ACSF3: variants seen among roughly 807,000 people sequenced by gnomAD.
The protein encoded by ACSF3 is acyl-CoA synthetase family member 3, also known as malonate--CoA ligase ACSF3, mitochondrial.
ACSF3 carries 78 observed loss-of-function variants against 53.2 expected under a neutral mutation model. The observed-to-expected ratio is 1.47, with a 90% CI of 1.22 to 1.77. The LOEUF (loss-of-function observed/expected upper bound fraction) is 1.77, where lower values mean the gene tolerates loss of function less well. Among genes scored for constraint, ACSF3 ranks in the 40% most tolerant of loss-of-function variants. ACSF3 has a pLI of 0.00. For missense variants in ACSF3, 937 were observed against 771.1 expected, an observed-to-expected ratio of 1.22 and a Z score of -2.55; for synonymous variants, 414 against 333.1, an observed-to-expected ratio of 1.24 and a Z score of -2.65.
chr16:89,140,597 G>A (rs77793532), intron 8 of ACSF3, among the ~76,000 whole-genome samples: 3,404 of 152,250 alleles, frequency 0.022, 96 homozygotes, highest in East Asian at 0.12. Flanking sequence ...CTGGGATCGC[G>A]CTTTGGGTGC....
Position 89,155,400 on chromosome 16 carries a change from G to A in ACSF3, c.*1193G>A, listed in dbSNP as rs772527375. The A allele has an allele frequency of 5.5e-5, 25 of 453,292 alleles. No individual in the cohort carries two copies. The East Asian group carries it at 7.6e-4, about 14-fold the overall frequency. 28.1% of individuals were successfully genotyped at this position (453,292 alleles called of 1,614,324 possible). A position where few individuals can be genotyped will look rare whatever the true frequency, so the allele number is the denominator to read the frequency against. On this transcript the variant is annotated 3_prime_UTR_variant, in exon 11 of 11. Transcript: ENST00000614302. ...GCCCCATCTCAGGCTCACATGCCTC[G>A]CGGACAGTTGGACGTGGCCTGGGGC...
At chr16:89,148,208 C>T (rs933184614) in intron 10 of ACSF3, 1 of 149,608 alleles carries the variant, frequency 6.7e-6, no homozygotes, top group Non-Finnish European at 1.5e-5. Flanking sequence ...AGCAATTCTC[C>T]TACCTCAGCC....
At chr16:89,111,398 A>T (rs1277875829) in intron 4 of ACSF3, among the ~76,000 whole-genome samples, 1 of 152,240 alleles carries the variant, frequency 6.6e-6, no homozygotes, top group Non-Finnish European at 1.5e-5. Context: ...CCCAGTTTCA[A>T]CGCCGTGTGG....
rs901030185 is a variant in ACSF3 at position 89,126,961 on chromosome 16, A to G, written c.1239+6048A>G. ...GCTTAGACTTTTTATCACTAAATGT[A>G]TGTTGAATATTTTCAAAAAGCTTTT... On this transcript the variant is annotated intron_variant, in intron 7 of 10. Coordinates refer to ENST00000614302, the MANE Select transcript of ACSF3 (RefSeq NM_001243279.3). Among the ~76,000 whole-genome samples the G allele has an allele frequency of 2.0e-4, 30 of 151,778 alleles. No homozygotes were observed. The Admixed American group carries it at 2.0e-3, about 10-fold the overall frequency.
chr16:89,128,834 G>A (rs1373643595), intron 7 of ACSF3, among the ~76,000 whole-genome samples: 1 of 152,090 alleles, frequency 6.6e-6, no homozygotes, highest in African/African-American at 2.4e-5. Flanking sequence ...TACTTGAAAA[G>A]AGTATATATT....
At chr16:89,140,443 C>T (rs966166890) in intron 8 of ACSF3, among the ~76,000 whole-genome samples, 5 of 152,314 alleles carry the variant, frequency 3.3e-5, no homozygotes, top group South Asian at 2.1e-4. Context: ...TCGGCTTGGG[C>T]GGGGTCCTTG....
At chr16:89,133,357 C>A (rs1417934014) in intron 8 of ACSF3, 95 bp downstream of exon 8, 3 of 1,551,932 alleles carry the variant, frequency 1.9e-6, no homozygotes, top group East Asian at 4.6e-5. Flanking sequence ...CTGGGAGTTC[C>A]CAGAATTTTC....
intron 1 of ACSF3, among the ~76,000 whole-genome samples, chr16:89,097,741 A>G (rs545280606): frequency 9.4e-5 from 14 of 149,078 alleles, no homozygotes; most frequent in Non-Finnish European, 1.9e-4. Context: ...GTGTGGGCGG[A>G]CCAGCCACTG....
At chr16:89,137,982 G>A (rs1042517873) in intron 8 of ACSF3, among the ~76,000 whole-genome samples, 7 of 152,334 alleles carry the variant, frequency 4.6e-5, no homozygotes, top group Admixed American at 6.5e-5. Context: ...GGTCTCAGCC[G>A]TTGGGTTCTT....
In ACSF3 at chr16:89,101,420, C is replaced by T. The variant is rs61729367; in HGVS notation, c.666+73C>T. ...CCGGGTGGGCTCCGGGCCAGAAGCA[C>T]ATCTTTTCATTCGCTTTTCTGTGGA... On this transcript the variant is annotated intron_variant, in intron 3 of 10. Coordinates refer to ENST00000614302, the MANE Select transcript of ACSF3 (RefSeq NM_001243279.3). 0.071 allele frequency: 110,243 copies of T among 1,546,098 alleles called. 4,214 individuals are homozygous for T. Among genetic ancestry groups the T allele is most frequent in the Non-Finnish European group, 0.081 (92,479 of 1,146,530 alleles).
At chr16:89,114,113 C>A in intron 5 of ACSF3, 2 of 616,300 alleles carry the variant, frequency 3.2e-6, no homozygotes, top group Non-Finnish European at 5.9e-6. Context: ...TAAAATACAC[C>A]CAACAGATCG....
rs1313088429 is a variant in ACSF3, at chr16:89,101,089, T to G, written c.408T>G (p.Tyr136Ter). The G allele has an allele frequency of 6.2e-7, 1 of 1,614,046 alleles. No individual in the cohort carries two copies. Among genetic ancestry groups the G allele is most frequent in the Admixed American group, 1.7e-5 (1 of 60,022 alleles). ...AGCATCCCGCGGCCCAGCTGGAGTA[T>G]GTCATCTGCGACTCCCAGAGCTCTG... is the stretch of plus-strand genomic sequence containing the variant. ...YRKHPAAQLE[Y>*]VICDSQSSVV... Residue 136 changes from tyrosine to a stop codon, truncating the protein, a stop_gained, in exon 3 of 11, where the codon TAT (tyrosine) becomes TAG (stop). Transcript: ENST00000614302. LOFTEE classifies it high-confidence loss of function.
intron 6 of ACSF3, among the ~76,000 whole-genome samples, chr16:89,119,465 A>G (rs1249373495): frequency 1.3e-5 from 2 of 152,170 alleles, no homozygotes; most frequent in Non-Finnish European, 2.9e-5. Flanking sequence ...GACTAGGGGA[A>G]GTGGGGGGCT....
chr16:89,117,688 A>C (rs1905411570), intron 6 of ACSF3, among the ~76,000 whole-genome samples: 2 of 152,038 alleles, frequency 1.3e-5, no homozygotes, highest in South Asian at 4.2e-4. Flanking sequence ...CGAGGGCGCC[A>C]AGGAGCAGAT....
intron 5 of ACSF3, chr16:89,113,969 A>G (rs537710374): frequency 4.2e-4 from 150 of 356,880 alleles, no homozygotes; most frequent in African/African-American, 2.8e-3. Flanking sequence ...ACCCGTGATC[A>G]GCTCCGTGGT....
intron 6 of ACSF3, among the ~76,000 whole-genome samples, chr16:89,117,467 G>A (rs1170625395): frequency 6.6e-6 from 1 of 152,046 alleles, no homozygotes; most frequent in East Asian, 1.9e-4. Flanking sequence ...GCAGCCCAGG[G>A]ACCACTGTCT....
chr16:89,114,625 G>A (rs1904752131), intron 6 of ACSF3, 138 bp downstream of exon 6: 2 of 1,301,064 alleles, frequency 1.5e-6, no homozygotes, highest in Admixed American at 3.8e-5. Flanking sequence ...CACTCGGCCA[G>A]GAGAGCACTC....
Position 89,146,052 on chromosome 16 carries a change from AGGGCTGGGTGGGGC to A in ACSF3, c.1613+8_1613+21del. 3 of 455,892 alleles carry A rather than the reference AGGGCTGGGTGGGGC, an allele frequency of 6.6e-6. No individual in the cohort carries two copies. The highest frequency in any genetic ancestry group is 1.3e-5 in the Non-Finnish European group (3 of 227,390). The allele number at this position is 455,892 out of a possible 1,614,324, so 28.2% of individuals were successfully genotyped here. A position where few individuals can be genotyped will look rare whatever the true frequency, so the allele number is the denominator to read the frequency against. On this transcript the variant is annotated splice_donor_5th_base_variant and intron_variant, in intron 10 of 10. Coordinates refer to ENST00000614302, the MANE Select transcript of ACSF3 (RefSeq NM_001243279.3). ...AGGGAGCTCAAAGAGTGGGCCAGGT[AGGGCTGGGTGGGGC>A]GGGCAGGGAGCACTCATGGGGTCTT...
intron 7 of ACSF3, among the ~76,000 whole-genome samples, chr16:89,124,944 A>G (rs1314654122): frequency 6.6e-6 from 1 of 152,204 alleles, no homozygotes; most frequent in Non-Finnish European, 1.5e-5. Flanking sequence ...CCGACACCAC[A>G]TTATCTTGAC....
Sources: allele counts gnomAD v4.1 joint callset (sites outside exome capture counted in the v4.1 genomes callset), GRCh38; gene constraint gnomAD v4.1.1; transcripts MANE v1.5; gene names NCBI Gene and HGNC (gene_info 2026-07-23, HGNC 2026-07-21).